Variants in GTF2F2 observed in about 807,000 individuals in gnomAD.
The protein encoded by GTF2F2 is general transcription factor IIF subunit 2.
A neutral mutation model predicts 42.2 loss-of-function variants in GTF2F2; 23 were observed. The ratio of observed to expected loss-of-function variants is 0.55; its 90% CI spans 0.39 to 0.77. The LOEUF (loss-of-function observed/expected upper bound fraction) is 0.77, where lower values mean the gene tolerates loss of function less well. GTF2F2 is among the 30% of genes least tolerant of loss of function. The pLI, the probability that GTF2F2 is intolerant of heterozygous loss-of-function variation, is 0.00. For missense variants in GTF2F2, 261 were observed against 287.2 expected, an observed-to-expected ratio of 0.91 and a Z score of 0.66; for synonymous variants, 105 against 100.8, an observed-to-expected ratio of 1.04 and a Z score of -0.25.
At chr13:45,161,792 G>A (rs1225905510) in intron 4 of GTF2F2, among the ~76,000 whole-genome samples, 3 of 152,126 alleles carry the variant, frequency 2.0e-5, no homozygotes, top group African/African-American at 4.8e-5. Context: ...GCAGTGAGCC[G>A]AGATCATGCC....
At chr13:45,255,923 T>C (rs1046649587) in intron 6 of GTF2F2, among the ~76,000 whole-genome samples, 1 of 152,182 alleles carries the variant, frequency 6.6e-6, no homozygotes, top group African/African-American at 2.4e-5. Context: ...TCAAATGCAC[T>C]ATAAAAGGAT....
chr13:45,191,264 C>T (rs1290536722), intron 4 of GTF2F2, among the ~76,000 whole-genome samples: 1 of 117,272 alleles, frequency 8.5e-6, no homozygotes, highest in Admixed American at 8.3e-5. Flanking sequence ...TAGCCATAAT[C>T]TCACATTTTA....
At chr13:45,127,958 T>TC (rs1460516159) in intron 1 of GTF2F2, among the ~76,000 whole-genome samples, 2 of 138,256 alleles carry the variant, frequency 1.4e-5, no homozygotes, top group Non-Finnish European at 3.1e-5. Context: ...TTTTTTTTTT[T>TC]TTTTTTTTTT....
intron 6 of GTF2F2, chr13:45,263,799 C>A: frequency 6.1e-6 from 1 of 163,360 alleles, no homozygotes; most frequent in East Asian, 1.7e-4. Flanking sequence ...TTGCAGCTCT[C>A]TGTAAGTTTG....
At chr13:45,223,399 T>C (rs1360772184) in intron 5 of GTF2F2, among the ~76,000 whole-genome samples, 1 of 152,112 alleles carries the variant, frequency 6.6e-6, no homozygotes, top group Non-Finnish European at 1.5e-5. Context: ...AATTAATTTA[T>C]AAATCTGTTG....
intron 4 of GTF2F2, among the ~76,000 whole-genome samples, chr13:45,196,587 A>G (rs2138176657): frequency 6.6e-6 from 1 of 152,330 alleles, no homozygotes; most frequent in African/African-American, 2.4e-5. Flanking sequence ...AGGCATAACA[A>G]TTTCATTTAT....
intron 7 of GTF2F2, among the ~76,000 whole-genome samples, chr13:45,280,137 G>A (rs116394537): frequency 0.011 from 1,657 of 152,236 alleles, 36 homozygotes; most frequent in African/African-American, 0.038. Flanking sequence ...TTACAAGGAA[G>A]GGAAACAACA....
intron 4 of GTF2F2, among the ~76,000 whole-genome samples, chr13:45,183,825 A>G (rs1354545462): frequency 6.6e-6 from 1 of 152,008 alleles, no homozygotes; most frequent in Non-Finnish European, 1.5e-5. Flanking sequence ...GTGTTAAAGG[A>G]TCAGATTGTC....
intron 5 of GTF2F2, among the ~76,000 whole-genome samples, chr13:45,247,991 T>A (rs1322665259): frequency 6.6e-6 from 1 of 151,668 alleles, no homozygotes; most frequent in Non-Finnish European, 1.5e-5. Context: ...ATTACAGGCG[T>A]GCATCACCAC....
At chr13:45,209,393 A>G (rs1395739254) in intron 5 of GTF2F2, among the ~76,000 whole-genome samples, 1 of 152,220 alleles carries the variant, frequency 6.6e-6, no homozygotes, top group Admixed American at 6.5e-5. Context: ...TGTATTTCTC[A>G]TGAGGTATCC....
At chr13:45,199,820 C>T (rs958998216) in intron 4 of GTF2F2, among the ~76,000 whole-genome samples, 1 of 152,146 alleles carries the variant, frequency 6.6e-6, no homozygotes, top group Non-Finnish European at 1.5e-5. Context: ...CGTATACTAG[C>T]GCCTGCCACT....
chr13:45,124,724 C>T (rs1357237259), intron 1 of GTF2F2, among the ~76,000 whole-genome samples: 1 of 152,070 alleles, frequency 6.6e-6, no homozygotes, highest in African/African-American at 2.4e-5. Flanking sequence ...GCCACCACAC[C>T]CACCTAATTT....
rs1877354029 is a variant in GTF2F2, at chr13:45,283,612, A to C, written c.*51A>C. ...GAAACGACTAGCAGCGATGCTATGC[A>C]AAAGGCGCTGATACTGGAAGGCTTG... On this transcript the variant is annotated 3_prime_UTR_variant, in exon 8 of 8. Transcript: ENST00000340473. 6.6e-7 allele frequency: 1 copy of C among 1,513,274 alleles called. No individual in the cohort carries two copies. Among genetic ancestry groups the C allele is most frequent in the African/African-American group, 1.4e-5 (1 of 71,340 alleles). The allele number at this position is 1,513,274 out of a possible 1,614,324, so 93.7% of individuals were successfully genotyped here.
At chr13:45,231,373 T>C (rs1874674054) in intron 5 of GTF2F2, among the ~76,000 whole-genome samples, 1 of 152,250 alleles carries the variant, frequency 6.6e-6, no homozygotes, top group South Asian at 2.1e-4. Context: ...CCCAGAGTGC[T>C]GGGATTACAG....
At chr13:45,276,264 A>G (rs1877030570) in intron 7 of GTF2F2, among the ~76,000 whole-genome samples, 1 of 152,166 alleles carries the variant, frequency 6.6e-6, no homozygotes. Context: ...TTGTTTATAC[A>G]TTGGTACATT....
intron 1 of GTF2F2, chr13:45,124,038 T>C: frequency 8.8e-7 from 1 of 1,139,110 alleles, no homozygotes; most frequent in Non-Finnish European, 1.3e-6. Flanking sequence ...ATGTGGGCCA[T>C]GAGGTCCCCC....
At chr13:45,218,096 T>C (rs975163426) in intron 5 of GTF2F2, among the ~76,000 whole-genome samples, 2 of 152,234 alleles carry the variant, frequency 1.3e-5, no homozygotes, top group African/African-American at 4.8e-5. Flanking sequence ...TTAAACCATT[T>C]ATAGATTGGC....
chr13:45,202,746 G>A (rs912658028), intron 4 of GTF2F2, among the ~76,000 whole-genome samples: 13 of 151,504 alleles, frequency 8.6e-5, no homozygotes, highest in African/African-American at 3.2e-4. Flanking sequence ...TGAGGTCAGG[G>A]GTTCAAGACC....
intron 2 of GTF2F2, among the ~76,000 whole-genome samples, chr13:45,141,826 G>T (rs1361796032): frequency 6.6e-6 from 1 of 152,086 alleles, no homozygotes; most frequent in Non-Finnish European, 1.5e-5. Context: ...ATCATTTTGG[G>T]TGTTTAATAC....
Sources: allele counts gnomAD v4.1 joint callset (sites outside exome capture counted in the v4.1 genomes callset), GRCh38; gene constraint gnomAD v4.1.1; transcripts MANE v1.5; gene names NCBI Gene and HGNC (gene_info 2026-07-23, HGNC 2026-07-21).